Variants in ECT2 observed in about 807,000 individuals in gnomAD.
ECT2 encodes protein ECT2.
ECT2 carries 61 observed loss-of-function variants against 116.9 expected under a neutral mutation model. That is an observed-to-expected ratio of 0.52 (90% CI 0.42 to 0.65). The LOEUF is 0.65. Ranked by LOEUF, ECT2 falls within the 30% of genes least tolerant of loss-of-function variation. The pLI is 0.00. For missense variants in ECT2, 937 were observed against 1,078.7 expected, an observed-to-expected ratio of 0.87 and a Z score of 1.84; for synonymous variants, 358 against 346.4, an observed-to-expected ratio of 1.03 and a Z score of -0.37.
chr3:172,765,120 C>G (rs886176234), intron 12 of ECT2, among the ~76,000 whole-genome samples: 3 of 152,208 alleles, frequency 2.0e-5, no homozygotes, highest in African/African-American at 4.8e-5. Flanking sequence ...TTACTTTGAT[C>G]TATTGTCTCA....
intron 13 of ECT2, among the ~76,000 whole-genome samples, chr3:172,773,006 C>A (rs1720929480): frequency 6.6e-6 from 1 of 152,196 alleles, no homozygotes; most frequent in African/African-American, 2.4e-5. Flanking sequence ...TAGAACACCA[C>A]AGCTTTGTAG....
chr3:172,798,019 T>C (rs1726049047), intron 18 of ECT2, among the ~76,000 whole-genome samples: 1 of 152,162 alleles, frequency 6.6e-6, no homozygotes, highest in South Asian at 2.1e-4. Flanking sequence ...ATCAAATCGT[T>C]TTAGTCTTTT....
intron 18 of ECT2, among the ~76,000 whole-genome samples, chr3:172,794,178 G>T (rs1307568149): frequency 1.3e-5 from 2 of 152,002 alleles, no homozygotes; most frequent in African/African-American, 4.8e-5. Context: ...CTAACCCAAG[G>T]TCACAAGGAT....
downstream of ECT2, among the ~76,000 whole-genome samples, chr3:172,825,998 A>G (rs1730830431): frequency 6.6e-6 from 1 of 152,172 alleles, no homozygotes; most frequent in South Asian, 2.1e-4. Flanking sequence ...AGTTCAAGCA[A>G]TTCCACTGCC....
chr3:172,784,576 A>G (rs189341293), intron 16 of ECT2, 131 bp from the exon 17 acceptor site: 58 of 646,192 alleles, frequency 9.0e-5, no homozygotes, highest in Non-Finnish European at 5.1e-5. Context: ...GTAATCAGCC[A>G]CGGAGAAATT....
chr3:172,782,124 C>A lies in ECT2; in HGVS notation c.1549-39C>A, dbSNP rs749301538. On this transcript the variant is annotated intron_variant, in intron 14 of 24. Coordinates refer to ENST00000392692, the MANE Select transcript of ECT2 (RefSeq NM_001258315.2). ...TAATAAAAGTTGTATAAGGAGCTGTCAGGTTTAATTTTAAATATTTCAATT... is the reference window on the plus strand; with the variant it reads ...TAATAAAAGTTGTATAAGGAGCTGTAAGGTTTAATTTTAAATATTTCAATT... 6 of 1,261,560 alleles carry A rather than the reference C, an allele frequency of 4.8e-6. No homozygotes were observed. The Admixed American group carries it at 1.1e-4, about 23-fold the overall frequency. 78.1% of individuals were successfully genotyped at this position (1,261,560 alleles called of 1,614,324 possible).
chr3:172,784,588 C>G (rs1315107840), intron 16 of ECT2, 119 bp from the exon 17 acceptor site: 6 of 700,848 alleles, frequency 8.6e-6, no homozygotes, highest in African/African-American at 7.2e-5. Flanking sequence ...GGAGAAATTC[C>G]ACTTCTTCTC....
At chr3:172,808,430 A>G (rs1467171288) in intron 22 of ECT2, among the ~76,000 whole-genome samples, 3 of 152,228 alleles carry the variant, frequency 2.0e-5, no homozygotes, top group Non-Finnish European at 2.9e-5. Context: ...TTGCCAATCT[A>G]TTTTTCTCAT....
intron 13 of ECT2, among the ~76,000 whole-genome samples, chr3:172,770,082 G>T (rs761705831): frequency 3.9e-5 from 6 of 152,082 alleles, no homozygotes; most frequent in Non-Finnish European, 8.8e-5. Context: ...TATTTTTCAT[G>T]GTTAATTATT....
downstream of ECT2, among the ~76,000 whole-genome samples, chr3:172,824,768 A>G (rs768874299): frequency 2.0e-5 from 3 of 152,106 alleles, no homozygotes; most frequent in East Asian, 3.9e-4. Flanking sequence ...AGTGGACTCT[A>G]TTTTATTCAC....
At chr3:172,759,342 T>C (rs573668175) in intron 6 of ECT2, among the ~76,000 whole-genome samples, 1 of 152,316 alleles carries the variant, frequency 6.6e-6, no homozygotes, top group African/African-American at 2.4e-5. Context: ...CTACGTTGGT[T>C]ATTTAAAGTT....
At chr3:172,811,272 T>C (rs1728727700) in intron 22 of ECT2, among the ~76,000 whole-genome samples, 1 of 152,212 alleles carries the variant, frequency 6.6e-6, no homozygotes, top group Admixed American at 6.5e-5. Flanking sequence ...AACCTAGGAC[T>C]ACTGAAGATA....
At chr3:172,758,673 C>G (rs1435604165) in intron 5 of ECT2, among the ~76,000 whole-genome samples, 1 of 152,120 alleles carries the variant, frequency 6.6e-6, no homozygotes, top group Non-Finnish European at 1.5e-5. Context: ...AGTCTGAAAA[C>G]TTTGCTTATA....
Position 172,820,143 on chromosome 3 carries a change from A to G in ECT2, c.2656-5A>G. ...AAATATGAAATGTTTGTTTTGTCTT[A>G]ACAGGGTATCCCTTCTCCCTCCCTT... On this transcript the variant is annotated splice_region_variant and splice_polypyrimidine_tract_variant and intron_variant, in intron 24 of 24. Transcript: ENST00000392692. 1 of 1,601,658 alleles carries G rather than the reference A, an allele frequency of 6.2e-7. No individual in the cohort carries two copies. Among genetic ancestry groups the G allele is most frequent in the South Asian group, 1.1e-5 (1 of 89,848 alleles).
At chr3:172,773,085 G>A (rs116311729) in intron 13 of ECT2, among the ~76,000 whole-genome samples, 2,685 of 152,202 alleles carry the variant, frequency 0.018, 41 homozygotes, top group Non-Finnish European at 0.029. Flanking sequence ...AGAAGCCCTG[G>A]AACTTTGATT....
At chr3:172,807,248 G>A (rs1325325605) in intron 21 of ECT2, among the ~76,000 whole-genome samples, 1 of 152,144 alleles carries the variant, frequency 6.6e-6, no homozygotes, top group Non-Finnish European at 1.5e-5. Flanking sequence ...TTTAGGGAAT[G>A]ATGACAAGAA....
At chr3:172,777,352 C>T (rs925621753) in intron 14 of ECT2, among the ~76,000 whole-genome samples, 35 of 152,108 alleles carry the variant, frequency 2.3e-4, no homozygotes, top group African/African-American at 6.5e-4. Context: ...AGATTACTTT[C>T]GGTAAATGTT....
At chr3:172,774,939 AT>A (rs1321282407) in intron 14 of ECT2, among the ~76,000 whole-genome samples, 1 of 152,016 alleles carries the variant, frequency 6.6e-6, no homozygotes, top group Non-Finnish European at 1.5e-5. Flanking sequence ...TGGGGTGTAT[AT>A]TTTTGTTTTG....
At chr3:172,776,866 C>G (rs984057528) in intron 14 of ECT2, among the ~76,000 whole-genome samples, 1 of 149,602 alleles carries the variant, frequency 6.7e-6, no homozygotes, top group African/African-American at 2.4e-5. Flanking sequence ...GTGGAAAAAA[C>G]GGGTTTGTTT....
Sources: gnomAD v4.1 joint callset for allele counts (sites outside exome capture counted in the v4.1 genomes callset) on GRCh38, gnomAD v4.1.1 for gene constraint, MANE v1.5 for transcripts, NCBI Gene and HGNC (gene_info 2026-07-23, HGNC 2026-07-21) for gene names.